Variants in PCDH15 observed in about 807,000 individuals in gnomAD.
PCDH15 encodes protocadherin related 15.
In PCDH15, 129 loss-of-function variants were observed where a neutral mutation model predicts 178.5. That is an observed-to-expected ratio of 0.72 (90% confidence interval 0.63 to 0.84). The LOEUF is 0.84. Ranked by LOEUF, PCDH15 falls within the 40% of genes least tolerant of loss-of-function variation. The probability of loss-of-function intolerance (pLI) is 0.00; values close to 1 mark genes in which losing one functional copy is unlikely to be tolerated. For missense variants in PCDH15, 2,230 were observed against 2,099.9 expected (o/e 1.06, Z -1.21); for synonymous variants, 800 against 732.0 (o/e 1.09, Z -1.50).
rs540291802 is a variant in PCDH15, at chr10:55,624,630, G to A, written c.-156+2995C>T. Among the ~76,000 whole-genome samples, 4 of 152,184 alleles carry A rather than the reference G, an allele frequency of 2.6e-5. No homozygotes were observed. In the East Asian group the frequency reaches 7.7e-4, roughly 29 times the overall value. On this transcript the variant is annotated intron_variant, in intron 2 of 5. Coordinates refer to the PCDH15 transcript ENST00000613346. ...TGACAAAAACATGTTCTGTAAAATAGCACTGTATATGAAAATAGTACAAAA... is the reference window on the plus strand; with the variant it reads ...TGACAAAAACATGTTCTGTAAAATAACACTGTATATGAAAATAGTACAAAA...
chr10:53,878,911 C>T (rs2080483686), intron 26 of PCDH15, among the ~76,000 whole-genome samples: 1 of 152,090 alleles, frequency 6.6e-6, no homozygotes, highest in African/African-American at 2.4e-5. Context: ...TAAGGCTTTG[C>T]TCCTCATTTG....
At chr10:54,078,480 G>T (rs1236775937) in intron 17 of PCDH15, among the ~76,000 whole-genome samples, 1 of 151,756 alleles carries the variant, frequency 6.6e-6, no homozygotes, top group Non-Finnish European at 1.5e-5. Context: ...ATTTCAAGGA[G>T]CCAGGAGATA....
chr10:54,703,957 C>A (rs2095340359), intron 1 of PCDH15, among the ~76,000 whole-genome samples: 1 of 151,918 alleles, frequency 6.6e-6, no homozygotes, highest in Non-Finnish European at 1.5e-5. Context: ...GCCACACACC[C>A]CTACAACCAT....
chr10:55,548,510 C>A lies in PCDH15; in HGVS notation c.-156+79115G>T, dbSNP rs373263165. 1.6e-4 allele frequency among the ~76,000 whole-genome samples: 24 copies of A among 152,122 alleles called. 1 individual carries two copies. The East Asian group carries it at 3.1e-3, about 20-fold the overall frequency. ...TCTGAAAGGTCACTCTCTAGATAAT[C>A]CACAAATAATGGATTAGAAATAAGT... On this transcript the variant is annotated intron_variant, in intron 2 of 5. Transcript: ENST00000613346.
chr10:54,545,239 T>A (rs1030462158), intron 2 of PCDH15, among the ~76,000 whole-genome samples: 1 of 152,202 alleles, frequency 6.6e-6, no homozygotes, highest in African/African-American at 2.4e-5. Context: ...TCTACTAAAA[T>A]AGCTTCAATA....
Position 54,638,148 on chromosome 10 carries a change from C to T in PCDH15, c.91+26024G>A, listed in dbSNP as rs962892530. The stretch of plus-strand genomic sequence containing the variant: ...ACAACATAAAAGATCTGCTTGAACC[C>T]TGATGACTGATGGTCTCATGAAAAA... On this transcript the variant is annotated intron_variant, in intron 2 of 37. Transcript: ENST00000644397. 2.0e-5 allele frequency among the ~76,000 whole-genome samples: 3 copies of T among 151,898 alleles called. No homozygotes were observed. The East Asian group carries it at 5.8e-4, about 29-fold the overall frequency.
intron 1 of PCDH15, among the ~76,000 whole-genome samples, chr10:55,294,645 A>G (rs1248751750): frequency 6.6e-6 from 1 of 152,180 alleles, no homozygotes; most frequent in Admixed American, 6.5e-5. Flanking sequence ...CTGTAACCAA[A>G]TCTCTGTGAT....
At chr10:54,381,376 C>G (rs1280386638) in intron 3 of PCDH15, among the ~76,000 whole-genome samples, 2 of 152,000 alleles carry the variant, frequency 1.3e-5, no homozygotes, top group Non-Finnish European at 1.5e-5. Flanking sequence ...AGCTAGTGTT[C>G]TAGACAATAT....
chr10:54,648,403 T>C (rs192779596), intron 2 of PCDH15, among the ~76,000 whole-genome samples: 1 of 152,254 alleles, frequency 6.6e-6, no homozygotes, highest in East Asian at 1.9e-4. Flanking sequence ...TTTGGATTGT[T>C]ATCTGTCTCT....
chr10:54,595,945 C>A (rs904079672), intron 2 of PCDH15, among the ~76,000 whole-genome samples: 1 of 151,926 alleles, frequency 6.6e-6, no homozygotes, highest in Non-Finnish European at 1.5e-5. Flanking sequence ...ATGAAGCAAA[C>A]CTCCAGGAAA....
intron 8 of PCDH15, among the ~76,000 whole-genome samples, chr10:54,257,262 T>C (rs2056974205): frequency 6.6e-6 from 1 of 152,118 alleles, no homozygotes; most frequent in Non-Finnish European, 1.5e-5. Flanking sequence ...ACTGAATTAC[T>C]GAGAGGACAG....
chr10:55,063,725 G>A (rs2132002571), intron 2 of PCDH15, among the ~76,000 whole-genome samples: 1 of 152,164 alleles, frequency 6.6e-6, no homozygotes, highest in South Asian at 2.1e-4. Context: ...AAATCAACCT[G>A]TTTATTTCAT....
At chr10:54,104,520 C>T (rs1472588411) in intron 15 of PCDH15, among the ~76,000 whole-genome samples, 1 of 152,094 alleles carries the variant, frequency 6.6e-6, no homozygotes, top group Non-Finnish European at 1.5e-5. Context: ...GGCTCAGTAT[C>T]TGCTTCTGAA....
chr10:54,113,371 C>G (rs1590544249), intron 15 of PCDH15, among the ~76,000 whole-genome samples: 1 of 152,274 alleles, frequency 6.6e-6, no homozygotes, highest in Middle Eastern at 3.4e-3. Flanking sequence ...TCCTCACTTT[C>G]CAACTCTACA....
chr10:54,562,202 G>T (rs1208680440), intron 2 of PCDH15, among the ~76,000 whole-genome samples: 4 of 149,800 alleles, frequency 2.7e-5, no homozygotes, highest in Non-Finnish European at 5.9e-5. Context: ...TGTTTGCCAG[G>T]CTGGTCTCAA....
chr10:54,044,685 A>G (rs767727992), intron 18 of PCDH15, among the ~76,000 whole-genome samples: 1 of 152,126 alleles, frequency 6.6e-6, no homozygotes, highest in Non-Finnish European at 1.5e-5. Flanking sequence ...GCAAAGATCT[A>G]TAAGGATGGC....
intron 25 of PCDH15, among the ~76,000 whole-genome samples, chr10:53,938,118 G>T (rs192901400): frequency 6.6e-6 from 1 of 152,158 alleles, no homozygotes; most frequent in East Asian, 1.9e-4. Flanking sequence ...CTTTAAATCT[G>T]TGTCAGTTCC....
chr10:54,512,482 T>C (rs1342700115), intron 3 of PCDH15, among the ~76,000 whole-genome samples: 2 of 151,586 alleles, frequency 1.3e-5, no homozygotes, highest in African/African-American at 4.8e-5. Context: ...AAAATGGCAT[T>C]ACATTTCATT....
chr10:54,084,149 G>C (rs750385429), intron 16 of PCDH15, among the ~76,000 whole-genome samples: 1 of 151,130 alleles, frequency 6.6e-6, no homozygotes, highest in Non-Finnish European at 1.5e-5. Flanking sequence ...GCAATGGCAT[G>C]ATCTCCGCTC....
Sources: gnomAD v4.1 joint callset for allele counts (sites outside exome capture counted in the v4.1 genomes callset) on GRCh38, gnomAD v4.1.1 for gene constraint, MANE v1.5 for transcripts, NCBI Gene and HGNC (gene_info 2026-07-23, HGNC 2026-07-21) for gene names.